Variants in PCDH15 observed in about 807,000 individuals in gnomAD.
The protein encoded by PCDH15 is protocadherin related 15, also known as protocadherin-15.
Under a neutral mutation model 178.5 loss-of-function variants are expected in PCDH15, and 129 were observed. The ratio of observed to expected loss-of-function variants is 0.72; its 90% CI spans 0.63 to 0.84. The LOEUF (loss-of-function observed/expected upper bound fraction) is 0.84, where lower values mean the gene tolerates loss of function less well. Among genes scored for constraint, PCDH15 ranks in the 40% least tolerant of loss-of-function variants. PCDH15 has a pLI of 0.00. For synonymous variants in PCDH15, 800 were observed against 732.0 expected, an observed-to-expected ratio of 1.09 and a Z score of -1.50; for missense variants, 2,230 against 2,099.9, an observed-to-expected ratio of 1.06 and a Z score of -1.21.
At chr10:54,196,751 G>T (rs1315097369) in intron 10 of PCDH15, among the ~76,000 whole-genome samples, 1 of 152,134 alleles carries the variant, frequency 6.6e-6, no homozygotes, top group Non-Finnish European at 1.5e-5. Flanking sequence ...GGTGGTGAGG[G>T]CAGAGCCCTC....
intron 26 of PCDH15, among the ~76,000 whole-genome samples, chr10:53,892,305 G>A (rs565063111): frequency 7.2e-5 from 11 of 152,140 alleles, no homozygotes; most frequent in African/African-American, 2.2e-4. Context: ...GATTACAGGC[G>A]TGAGCCACTG....
chr10:55,312,743 G>A (rs776084192), intron 1 of PCDH15, among the ~76,000 whole-genome samples: 26 of 151,696 alleles, frequency 1.7e-4, no homozygotes, highest in Admixed American at 4.6e-4. Flanking sequence ...TCAGCCTCCC[G>A]AGTAGCTGAG....
chr10:54,945,387 A>AGAT (rs1486242920), intron 2 of PCDH15, among the ~76,000 whole-genome samples: 1 of 151,640 alleles, frequency 6.6e-6, no homozygotes, highest in Non-Finnish European at 1.5e-5. Flanking sequence ...ATAGATAGAT[A>AGAT]GATAGATATA....
intron 2 of PCDH15, among the ~76,000 whole-genome samples, chr10:55,020,828 T>C (rs1840309332): frequency 6.6e-6 from 1 of 152,158 alleles, no homozygotes; most frequent in Non-Finnish European, 1.5e-5. Flanking sequence ...ATGCCTTATC[T>C]TCACAGGTGC....
chr10:55,232,166 T>C (rs978112337), intron 1 of PCDH15, among the ~76,000 whole-genome samples: 5 of 151,712 alleles, frequency 3.3e-5, no homozygotes, highest in African/African-American at 9.7e-5. Flanking sequence ...ATGTGAAGTT[T>C]AATGAGGTAG....
intron 3 of PCDH15, among the ~76,000 whole-genome samples, chr10:54,476,280 G>A (rs1355750736): frequency 6.6e-6 from 1 of 151,918 alleles, no homozygotes; most frequent in Non-Finnish European, 1.5e-5. Context: ...GCTGCCTGAT[G>A]TTGCTGCTGT....
chr10:55,086,964 T>C (rs936355178), intron 2 of PCDH15, among the ~76,000 whole-genome samples: 1 of 152,132 alleles, frequency 6.6e-6, no homozygotes, highest in Middle Eastern at 3.4e-3. Flanking sequence ...TCTCGAATGG[T>C]TCAAGAATAA....
At chr10:55,427,819 A>G (rs1393665237) in intron 2 of PCDH15, among the ~76,000 whole-genome samples, 2 of 152,132 alleles carry the variant, frequency 1.3e-5, no homozygotes, top group African/African-American at 4.8e-5. Flanking sequence ...TCATATTTAA[A>G]TATCCATTTC....
At chr10:54,915,680 A>G (rs1954890507) in intron 2 of PCDH15, among the ~76,000 whole-genome samples, 1 of 152,204 alleles carries the variant, frequency 6.6e-6, no homozygotes, top group Non-Finnish European at 1.5e-5. Flanking sequence ...AGTATATTTC[A>G]AGGACAGGCC....
rs541835691 is a variant in PCDH15, at chr10:55,067,354, T to C, written c.-80+99222A>G. 4.6e-5 allele frequency among the ~76,000 whole-genome samples: 7 copies of C among 152,152 alleles called. No individual in the cohort carries two copies. The East Asian group carries it at 1.4e-3, about 29-fold the overall frequency. On this transcript the variant is annotated intron_variant, in intron 2 of 5. Transcript: ENST00000458638. ...TAGTGTTTGTCTTTTTGTGCCTGTC[T>C]CATTTCACTTAATATAACCTCCAGT...
intron 8 of PCDH15, among the ~76,000 whole-genome samples, chr10:54,268,640 C>T (rs1461027939): frequency 6.6e-6 from 1 of 151,872 alleles, no homozygotes; most frequent in Non-Finnish European, 1.5e-5. Flanking sequence ...TGCCATTATG[C>T]TAAGCAGATG....
At chr10:55,015,323 C>T (rs1056626938) in intron 2 of PCDH15, among the ~76,000 whole-genome samples, 1 of 152,128 alleles carries the variant, frequency 6.6e-6, no homozygotes, top group East Asian at 1.9e-4. Flanking sequence ...CGATCTCCTA[C>T]CACAGGGACT....
At chr10:53,809,946 G>T (rs995436354) in intron 37 of PCDH15, among the ~76,000 whole-genome samples, 2 of 152,006 alleles carry the variant, frequency 1.3e-5, no homozygotes. Context: ...AAAATATGAC[G>T]ATTTATCTCA....
chr10:53,853,108 G>T (rs1401132749), intron 28 of PCDH15, among the ~76,000 whole-genome samples: 1 of 150,992 alleles, frequency 6.6e-6, no homozygotes, highest in Non-Finnish European at 1.5e-5. Context: ...TTCTGCTTAA[G>T]AAAACTCTAA....
intron 1 of PCDH15, among the ~76,000 whole-genome samples, chr10:54,785,682 AAACTT>A (rs766927195): frequency 8.5e-5 from 13 of 152,056 alleles, no homozygotes; most frequent in Non-Finnish European, 1.3e-4. Context: ...AATTCTTTGT[AAACTT>A]AGGCTGAGAC....
intron 18 of PCDH15, among the ~76,000 whole-genome samples, chr10:54,065,499 T>G (rs1405959980): frequency 6.6e-6 from 1 of 152,216 alleles, no homozygotes; most frequent in Non-Finnish European, 1.5e-5. Flanking sequence ...CCAGAGGTAC[T>G]ACAGTGTGGG....
chr10:54,421,690 A>ATATATATATGTATATG (rs1301759947), intron 3 of PCDH15, among the ~76,000 whole-genome samples: 1 of 110,968 alleles, frequency 9.0e-6, no homozygotes, highest in African/African-American at 4.1e-5. Context: ...ATATATATAT[A>ATATATATATGTATATG]TATACACACA....
intron 8 of PCDH15, among the ~76,000 whole-genome samples, chr10:54,295,783 A>T (rs955872220): frequency 2.6e-5 from 4 of 152,130 alleles, no homozygotes; most frequent in Admixed American, 2.6e-4. Context: ...GACCCCTTTC[A>T]CTTGCAATTC....
chr10:55,184,295 T>C (rs1324772278), intron 1 of PCDH15, among the ~76,000 whole-genome samples: 1 of 151,974 alleles, frequency 6.6e-6, no homozygotes, highest in Non-Finnish European at 1.5e-5. Context: ...TATGGACTCA[T>C]CCGTACTGCC....
Sources: gnomAD v4.1 joint callset for allele counts (sites outside exome capture counted in the v4.1 genomes callset) on GRCh38, gnomAD v4.1.1 for gene constraint, MANE v1.5 for transcripts, NCBI Gene and HGNC (gene_info 2026-07-23, HGNC 2026-07-21) for gene names.